The following FKTN variants were observed in gnomAD, a reference collection of about 807,000 sequenced individuals.
FKTN encodes fukutin, also known as ribitol-5-phosphate transferase FKTN.
FKTN carries 47 observed loss-of-function variants against 58.6 expected under a neutral mutation model. That is an observed-to-expected ratio of 0.80 (90% confidence interval 0.63 to 1.02). FKTN has a LOEUF of 1.02. Among genes scored for constraint, FKTN ranks in the 50% least tolerant of loss-of-function variants. FKTN has a pLI of 0.00. For missense variants in FKTN, 516 were observed against 537.3 expected (o/e 0.96, Z 0.39); for synonymous variants, 178 against 191.9 (o/e 0.93, Z 0.60).
rs1161110689 is a variant in FKTN, at chr9:105,640,895, C to T, written c.*5631C>T. Reference sequence around the variant, plus strand: ...ATCTTATGTAGCTATTTGTGTGTCCCTCCCACTTCATAACTACAAAAACAT... The same window carrying T: ...ATCTTATGTAGCTATTTGTGTGTCCTTCCCACTTCATAACTACAAAAACAT... On this transcript the variant is annotated 3_prime_UTR_variant, in exon 11 of 11. Coordinates refer to ENST00000357998, the MANE Select transcript of FKTN (RefSeq NM_001079802.2). 6.6e-6 allele frequency: 1 copy of T among 152,064 alleles called. No individual in the cohort carries two copies. Among genetic ancestry groups the T allele is most frequent in the Non-Finnish European group, 1.5e-5 (1 of 68,006 alleles). The allele number at this position is 152,064 out of a possible 1,614,324, so 9.4% of individuals were successfully genotyped here. A position where few individuals can be genotyped will look rare whatever the true frequency, so the allele number is the denominator to read the frequency against.
At chr9:105,618,521 T>C (rs1211951735) in intron 9 of FKTN, among the ~76,000 whole-genome samples, 1 of 152,214 alleles carries the variant, frequency 6.6e-6, no homozygotes, top group Non-Finnish European at 1.5e-5. Context: ...ATTATCAACA[T>C]AAAATATTCC....
chr9:105,568,855 C>G (rs974158969), intron 1 of FKTN, among the ~76,000 whole-genome samples: 54 of 152,264 alleles, frequency 3.5e-4, no homozygotes, highest in Middle Eastern at 3.4e-3. Context: ...TTTATTGTGG[C>G]ACTATTCACA....
At chr9:105,573,872 G>A (rs1841217919) in intron 2 of FKTN, 126 bp downstream of exon 2, 1 of 152,208 alleles carries the variant, frequency 6.6e-6, no homozygotes. Flanking sequence ...AAGTGTGTAA[G>A]TCATTGGGGA....
intron 1 of FKTN, among the ~76,000 whole-genome samples, chr9:105,566,335 C>A (rs1839605700): frequency 6.6e-6 from 1 of 152,036 alleles, no homozygotes; most frequent in Admixed American, 6.5e-5. Context: ...CACAAAAAAC[C>A]CTTCAAAAAA....
chr9:105,599,837 G>A (rs1190708267), intron 4 of FKTN, among the ~76,000 whole-genome samples: 2 of 152,024 alleles, frequency 1.3e-5, no homozygotes, highest in Non-Finnish European at 1.5e-5. Flanking sequence ...CAGATAGGAA[G>A]TATTTTCTCC....
At chr9:105,603,506 TG>T (rs1176118981) in intron 5 of FKTN, among the ~76,000 whole-genome samples, 1 of 152,208 alleles carries the variant, frequency 6.6e-6, no homozygotes, top group Admixed American at 6.5e-5. Context: ...ACTACTTTTT[TG>T]AAGTACTTTT....
At chr9:105,620,943 T>C (rs1343522840) in intron 10 of FKTN, among the ~76,000 whole-genome samples, 3 of 152,130 alleles carry the variant, frequency 2.0e-5, no homozygotes, top group African/African-American at 7.2e-5. Flanking sequence ...TGTCACCTTT[T>C]TTCTAAGAAA....
chr9:105,596,550 C>T (rs920701736), intron 3 of FKTN, 48 bp from the exon 4 acceptor site: 28 of 1,176,068 alleles, frequency 2.4e-5, no homozygotes, highest in Non-Finnish European at 3.2e-5. Flanking sequence ...TGTAATGTTG[C>T]ATGCTGGACT....
At chr9:105,558,705 T>A (rs961902649) in intron 1 of FKTN, among the ~76,000 whole-genome samples, 4 of 150,644 alleles carry the variant, frequency 2.7e-5, no homozygotes, top group African/African-American at 9.8e-5. Context: ...ACGTTTCCAG[T>A]CGGTAAAAAT....
intron 3 of FKTN, among the ~76,000 whole-genome samples, chr9:105,595,464 T>C (rs1660327354): frequency 6.6e-6 from 1 of 152,246 alleles, no homozygotes. Context: ...CAAGTAGCTG[T>C]ATTACAATGT....
chr9:105,630,859 C>T (rs529452359), intron 10 of FKTN, among the ~76,000 whole-genome samples: 2 of 152,226 alleles, frequency 1.3e-5, no homozygotes, highest in East Asian at 3.9e-4. Flanking sequence ...CTAGGCTGGG[C>T]ATGGTGGCTC....
At position 105,635,265 on chromosome 9, in the gene FKTN, G is replaced by T. The variant is rs377580107; in HGVS notation, c.*1G>T. On this transcript the variant is annotated 3_prime_UTR_variant, in exon 11 of 11. Coordinates refer to ENST00000357998, the MANE Select transcript of FKTN (RefSeq NM_001079802.2). ...GGATGAGGTTATCCAGTTATATTGA[G>T]ATAGTAGGTTGAAATGGGAGAATTT... The T allele has an allele frequency of 6.2e-7, 1 of 1,613,910 alleles. No homozygotes were observed. The highest frequency in any genetic ancestry group is 8.5e-7 in the Non-Finnish European group (1 of 1,179,792).
chr9:105,595,851 G>A (rs753164873), intron 3 of FKTN, among the ~76,000 whole-genome samples: 5 of 152,224 alleles, frequency 3.3e-5, no homozygotes, highest in Admixed American at 6.5e-5. Context: ...TATAGATAAC[G>A]TATGCACTCA....
At chr9:105,600,363 A>G (rs1827657679) in intron 4 of FKTN, among the ~76,000 whole-genome samples, 1 of 152,124 alleles carries the variant, frequency 6.6e-6, no homozygotes, top group African/African-American at 2.4e-5. Flanking sequence ...TGATAGGCAA[A>G]CATTCCTATA....
At chr9:105,622,038 C>T (rs529934848) in intron 10 of FKTN, among the ~76,000 whole-genome samples, 1 of 152,092 alleles carries the variant, frequency 6.6e-6, no homozygotes, top group South Asian at 2.1e-4. Flanking sequence ...TATTCTCAAC[C>T]ACATGGTTTG....
intron 10 of FKTN, among the ~76,000 whole-genome samples, chr9:105,624,081 G>A (rs1832410804): frequency 1.3e-5 from 2 of 152,062 alleles, no homozygotes; most frequent in Admixed American, 1.3e-4. Flanking sequence ...AAAGATATGA[G>A]CCTTTTAAAG....
intron 3 of FKTN, among the ~76,000 whole-genome samples, chr9:105,583,488 CAT>C (rs960993321): frequency 1.3e-5 from 2 of 152,084 alleles, no homozygotes; most frequent in African/African-American, 2.4e-5. Context: ...AACATCTTTC[CAT>C]ATGTATATTG....
At chr9:105,577,401 C>A (rs1841943582) in intron 3 of FKTN, among the ~76,000 whole-genome samples, 2 of 140,598 alleles carry the variant, frequency 1.4e-5, no homozygotes, top group Admixed American at 7.0e-5. Context: ...AGCCAGTTTT[C>A]CCAGCACCAT....
chr9:105,620,059 C>A lies in FKTN; in HGVS notation c.1170C>A (p.Phe390Leu), dbSNP rs1831570423. Reference sequence around the variant, plus strand: ...CTCAGGCCAAAACAGGAAAAAAATTCAAGTATGAATCAAATAAGTACTTAT... The same window carrying A: ...CTCAGGCCAAAACAGGAAAAAAATTAAAGTATGAATCAAATAAGTACTTAT... Reference protein sequence around the residue: ...GGTQAKTGKKFKYLFPKFTLC... With the variant: ...GGTQAKTGKKLKYLFPKFTLC... The change falls in exon 10 of 11, where the codon TTC becomes TTA. Residue 390 changes from phenylalanine (F) to leucine (L), a missense_variant and splice_region_variant. Coordinates refer to ENST00000357998, the MANE Select transcript of FKTN (RefSeq NM_001079802.2). 1 of 1,609,346 alleles carries A rather than the reference C, an allele frequency of 6.2e-7. No homozygotes were observed. The highest frequency in any genetic ancestry group is 8.5e-7 in the Non-Finnish European group (1 of 1,176,412).
Sources: gnomAD v4.1 joint callset for allele counts (sites outside exome capture counted in the v4.1 genomes callset) on GRCh38, gnomAD v4.1.1 for gene constraint, MANE v1.5 for transcripts, NCBI Gene and HGNC (gene_info 2026-07-23, HGNC 2026-07-21) for gene names.